The following ILDR2 variants were observed in gnomAD, a reference collection of about 807,000 sequenced individuals.
The protein encoded by ILDR2 is immunoglobulin like domain containing receptor 2.
In ILDR2, 25 loss-of-function variants were observed where a neutral mutation model predicts 66.8. The ratio of observed to expected loss-of-function variants is 0.37; its 90% CI spans 0.27 to 0.52. The LOEUF (loss-of-function observed/expected upper bound fraction) is 0.52. Ranked by LOEUF, ILDR2 falls within the 20% of genes least tolerant of loss-of-function variation. The probability of loss-of-function intolerance (pLI) is 0.88; values close to 1 mark genes in which losing one functional copy is unlikely to be tolerated. For missense variants in ILDR2, 827 were observed against 876.8 expected (o/e 0.94, Z 0.72); for synonymous variants, 367 against 357.2 (o/e 1.03, Z -0.31).
intron 3 of ILDR2, among the ~76,000 whole-genome samples, chr1:166,947,222 A>G (rs2101942280): frequency 6.6e-6 from 1 of 152,344 alleles, no homozygotes; most frequent in Middle Eastern, 3.4e-3. Context: ...GAACGGGGAA[A>G]GTGAGTTTCT....
intron 3 of ILDR2, among the ~76,000 whole-genome samples, chr1:166,951,039 C>T (rs913744279): frequency 6.6e-6 from 1 of 152,138 alleles, no homozygotes; most frequent in South Asian, 2.1e-4. Context: ...TATTTGCCTG[C>T]CTGACATTGT....
intron 2 of ILDR2, among the ~76,000 whole-genome samples, chr1:166,898,574 T>C (rs1253057345): frequency 6.6e-6 from 1 of 152,190 alleles, no homozygotes; most frequent in Non-Finnish European, 1.5e-5. Flanking sequence ...CTCACCAGTG[T>C]TTCATCTGAC....
rs139346693 is a variant in ILDR2, at chr1:166,909,948, A to G, written c.*9407T>C. ...CCAGAGAGCAAGGATTGTTTTAAAA[A>G]AAAGTAAAGTGTTTTAACATGTCTG... On this transcript the variant is annotated 3_prime_UTR_variant, in exon 10 of 10. Transcript: ENST00000271417. 130 of 151,836 alleles carry G rather than the reference A, an allele frequency of 8.6e-4. No individual in the cohort carries two copies. Among genetic ancestry groups the G allele is most frequent in the African/African-American group, 3.0e-3 (125 of 41,422 alleles). The allele number at this position is 151,836 out of a possible 1,614,324, so 9.4% of individuals were successfully genotyped here. A position where few individuals can be genotyped will look rare whatever the true frequency, so the allele number is the denominator to read the frequency against.
chr1:166,975,302 G>C lies in ILDR2; in HGVS notation c.-34C>G. ...ACTTCCCAGCCGAATTACGGAGTGAGGAAAGTGGGAAATGGCTGGAACAGA... is the reference window on the plus strand; with the variant it reads ...ACTTCCCAGCCGAATTACGGAGTGACGAAAGTGGGAAATGGCTGGAACAGA... On this transcript the variant is annotated 5_prime_UTR_variant, in exon 1 of 10. Transcript: ENST00000271417. The C allele has an allele frequency of 6.2e-7, 1 of 1,603,158 alleles. No homozygotes were observed. Among genetic ancestry groups the C allele is most frequent in the Non-Finnish European group, 8.5e-7 (1 of 1,170,920 alleles).
chr1:166,939,624 AT>A, intron 3 of ILDR2, 54 bp from the exon 4 acceptor site: 1 of 1,521,052 alleles, frequency 6.6e-7, no homozygotes, highest in South Asian at 1.1e-5. Context: ...AAGGGAAAAC[AT>A]AGCCTAAAGC....
chr1:166,909,740 T>TATATATATAAATATATATAA lies in ILDR2; in HGVS notation c.*9614_*9615insTTATATATATTTATATATAT, dbSNP rs1659423287. On this transcript the variant is annotated 3_prime_UTR_variant, in exon 10 of 10. Coordinates refer to ENST00000271417, the MANE Select transcript of ILDR2 (RefSeq NM_199351.3). ...ATATGTGTGTGTGTATACATACATA[T>TATATATATAAATATATATAA]ATATATATATATATATATAAATATA... The TATATATATAAATATATATAA allele has an allele frequency of 9.8e-6, 1 of 101,820 alleles. No individual in the cohort carries two copies. Among genetic ancestry groups the TATATATATAAATATATATAA allele is most frequent in the Non-Finnish European group, 1.7e-5 (1 of 57,286 alleles). The allele number at this position is 101,820 out of a possible 1,614,324, so 6.3% of individuals were successfully genotyped here. A position where few individuals can be genotyped will look rare whatever the true frequency, so the allele number is the denominator to read the frequency against.
chr1:166,920,929 C>G lies in ILDR2; in HGVS notation c.1662G>C (p.Arg554=). The G allele has an allele frequency of 1.4e-6, 2 of 1,481,050 alleles. No homozygotes were observed. The highest frequency in any genetic ancestry group is 2.8e-5 in the East Asian group (1 of 35,384). 91.7% of individuals were successfully genotyped at this position (1,481,050 alleles called of 1,614,324 possible). ...CGCTGCGCGGGCCGAGCTGCGCGCTCCGCTTGGATGGCGTCTCCAGGCTGC... is the reference window on the plus strand; with the variant it reads ...CGCTGCGCGGGCCGAGCTGCGCGCTGCGCTTGGATGGCGTCTCCAGGCTGC... ...RGGSLETPSK[R]SAQLGPRSAS... Residue 554 remains arginine, a synonymous_variant, in exon 9 of 10, where the codon CGG becomes CGC. Transcript: ENST00000271417.
rs1186642619 is a variant in ILDR2 at position 166,936,615 on chromosome 1, C to G, written c.679G>C (p.Asp227His). ...CAGGCTTGAGGGCAGCAGCAGGAAT[C>G]TGGGCAGCATGGGCAGCGGACATAG... ...CCYVRCPCCP[D>H]SCCCPQALYE... Residue 227 changes from aspartate to histidine, a missense_variant, in exon 5 of 10, where the codon GAT becomes CAT. Physicochemically the swap from Asp to His is moderately conservative, Grantham distance 81. This residue lies in a region of ILDR2 where 437 missense variants were observed against 523.2 expected (regional missense o/e 0.84). Coordinates refer to ENST00000271417, the MANE Select transcript of ILDR2 (RefSeq NM_199351.3). The surrounding 1 kb of genome is among the most constrained non-coding windows in gnomAD (Gnocchi z 5.0). The G allele has an allele frequency of 6.2e-7, 1 of 1,613,964 alleles. No individual in the cohort carries two copies. The highest frequency in any genetic ancestry group is 1.3e-5 in the African/African-American group (1 of 74,890).
intron 1 of ILDR2, among the ~76,000 whole-genome samples, chr1:166,963,772 C>T (rs1662766272): frequency 6.6e-6 from 1 of 152,148 alleles, no homozygotes; most frequent in African/African-American, 2.4e-5. Flanking sequence ...AGTATGTTAT[C>T]CCCTCCTCCT....
At chr1:166,965,947 G>A (rs1662925889) in intron 1 of ILDR2, among the ~76,000 whole-genome samples, 1 of 151,972 alleles carries the variant, frequency 6.6e-6, no homozygotes, top group African/African-American at 2.4e-5. Context: ...TCTGAGTTTG[G>A]TCATAATTCA....
intron 1 of ILDR2, among the ~76,000 whole-genome samples, chr1:166,966,400 G>A (rs1310180265): frequency 6.6e-6 from 1 of 152,112 alleles, no homozygotes. Context: ...TAGTGTTTTC[G>A]TATGTTTTCC....
chr1:166,916,770 T>C lies in ILDR2; in HGVS notation c.*2585A>G, dbSNP rs1659659532. 1 of 152,274 alleles carries C rather than the reference T, an allele frequency of 6.6e-6. No homozygotes were observed. The highest frequency in any genetic ancestry group is 1.5e-5 in the Non-Finnish European group (1 of 68,056). The allele number at this position is 152,274 out of a possible 1,614,324, so 9.4% of individuals were successfully genotyped here. The stretch of plus-strand genomic sequence containing the variant: ...TAATTCAGTAGCCTGCTATCTTCTT[T>C]GTACTTTTCAGTCTATCTGTAGTTT... On this transcript the variant is annotated 3_prime_UTR_variant, in exon 10 of 10. Coordinates refer to ENST00000271417, the MANE Select transcript of ILDR2 (RefSeq NM_199351.3).
chr1:166,903,910 C>A (rs1450149853), downstream of ILDR2, among the ~76,000 whole-genome samples: 1 of 152,190 alleles, frequency 6.6e-6, no homozygotes, highest in Admixed American at 6.5e-5. Context: ...CTTTGAGAGG[C>A]CTTCTCTGAC....
intron 1 of ILDR2, among the ~76,000 whole-genome samples, chr1:166,968,624 C>T (rs963938831): frequency 2.0e-5 from 3 of 152,182 alleles, no homozygotes; most frequent in South Asian, 4.1e-4. Context: ...ATACTTACCC[C>T]GTAGACTTAA....
At chr1:166,899,881 G>T (rs371209736) in intron 2 of ILDR2, among the ~76,000 whole-genome samples, 61 of 152,240 alleles carry the variant, frequency 4.0e-4, no homozygotes, top group African/African-American at 1.3e-3. Flanking sequence ...TTCCAAAGAT[G>T]GCTACATAGG....
At chr1:166,895,743 G>T (rs985695021) in exon 3 of ILDR2, 5 of 152,188 alleles carry the variant, frequency 3.3e-5, no homozygotes, top group Non-Finnish European at 5.9e-5. Context: ...TTATGAACAT[G>T]GGAGGCTTTG....
chr1:166,962,992 A>T (rs146395910), intron 1 of ILDR2, among the ~76,000 whole-genome samples: 12 of 152,284 alleles, frequency 7.9e-5, no homozygotes, highest in African/African-American at 2.9e-4. Context: ...TAAATTAAAC[A>T]TGTCTAAACC....
chr1:166,975,104 G>A (rs1286525259), intron 1 of ILDR2, 119 bp downstream of exon 1: 23 of 796,970 alleles, frequency 2.9e-5, no homozygotes, highest in Non-Finnish European at 4.5e-5. Context: ...CCACCAGACC[G>A]CTAAGCAGCT....
Position 166,956,813 on chromosome 1 carries a change from C to G in ILDR2, c.419G>C (p.Ser140Thr). ...GGTGATAATACAGTAATAGAGTCCG[C>G]TGTCTCCCCACATAAGCTTTCCAAT... Reference protein sequence around the residue: ...LQIGKLMWGDSGLYYCIITTP... With the variant: ...LQIGKLMWGDTGLYYCIITTP... Residue 140 changes from serine to threonine, a missense_variant, in exon 3 of 10, where the codon AGC becomes ACC. By Grantham distance (58) the Ser-to-Thr change is moderately conservative. Around this residue, in one of 2 missense-constraint regions of ILDR2, gnomAD observed 437 missense variants for 523.2 expected, o/e 0.84. Coordinates refer to ENST00000271417, the MANE Select transcript of ILDR2 (RefSeq NM_199351.3). 1.2e-6 allele frequency: 2 copies of G among 1,614,086 alleles called. No homozygotes were observed. Among genetic ancestry groups the G allele is most frequent in the South Asian group, 2.2e-5 (2 of 91,070 alleles).
Sources: allele counts gnomAD v4.1 joint callset (sites outside exome capture counted in the v4.1 genomes callset), GRCh38; gene constraint gnomAD v4.1.1; regional missense constraint gnomAD v4.1.1; non-coding constraint Gnocchi (gnomAD v3.1); transcripts MANE v1.5; gene names NCBI Gene and HGNC (gene_info 2026-07-23, HGNC 2026-07-21).